Variants in ZNG1C observed in about 807,000 individuals in gnomAD.
The protein encoded by ZNG1C is zinc-regulated GTPase metalloprotein activator 1C.
At chr9:68,247,354 G>GT in the ZNG1C span, among the ~76,000 whole-genome samples, 2 of 150,934 alleles carry the variant, frequency 1.3e-5, no homozygotes, top group East Asian at 4.0e-4. Context: ...GGGTGGCCAA[G>GT]TAAGAGGCCT....
chr9:68,247,358 G>A, the ZNG1C span, among the ~76,000 whole-genome samples: 1 of 150,856 alleles, frequency 6.6e-6, no homozygotes, highest in Admixed American at 6.6e-5. Flanking sequence ...GGCCAAGTAA[G>A]AGGCCTAAGG....
the ZNG1C span, among the ~76,000 whole-genome samples, chr9:68,275,342 T>C: frequency 6.7e-6 from 1 of 148,556 alleles, no homozygotes; most frequent in Admixed American, 6.8e-5. Context: ...TTATTTATTA[T>C]TATTTAAGTT....
chr9:68,245,898 C>CA, the ZNG1C span, among the ~76,000 whole-genome samples: 4 of 130,530 alleles, frequency 3.1e-5, no homozygotes, highest in African/African-American at 5.8e-5. Flanking sequence ...CATGCCTGGC[C>CA]AAAAAATGTC....
chr9:68,284,954 C>T, the ZNG1C span, among the ~76,000 whole-genome samples: 6 of 149,256 alleles, frequency 4.0e-5, no homozygotes, highest in African/African-American at 1.2e-4. Context: ...TGTCCAACAA[C>T]ATTAAATACT....
At chr9:68,271,098 G>A in the ZNG1C span, among the ~76,000 whole-genome samples, 4 of 118,734 alleles carry the variant, frequency 3.4e-5, no homozygotes, top group African/African-American at 1.4e-4. Context: ...GTGTAGCATC[G>A]TCTTAGTGGT....
chr9:68,299,927 A>G, the ZNG1C span: 2 of 152,572 alleles, frequency 1.3e-5, no homozygotes, highest in Non-Finnish European at 2.9e-5. Context: ...GATTGCAGAG[A>G]TATAATGATT....
At chr9:68,279,437 G>C in the ZNG1C span, among the ~76,000 whole-genome samples, 1 of 139,838 alleles carries the variant, frequency 7.2e-6, no homozygotes, top group African/African-American at 2.7e-5. Flanking sequence ...ATTTTGCAGC[G>C]GCTGGTACCG....
the ZNG1C span, among the ~76,000 whole-genome samples, chr9:68,266,715 T>TG: frequency 7.1e-6 from 1 of 141,256 alleles, no homozygotes; most frequent in African/African-American, 2.8e-5. Context: ...CTTGTTCTGT[T>TG]TTTTTTTTTT....
the ZNG1C span, among the ~76,000 whole-genome samples, chr9:68,268,611 AACTG>A: frequency 2.0e-5 from 3 of 152,258 alleles, no homozygotes; most frequent in Non-Finnish European, 4.4e-5. Flanking sequence ...ACACTGGGAT[AACTG>A]ACTATTTATG....
the ZNG1C span, among the ~76,000 whole-genome samples, chr9:68,266,955 A>G: frequency 6.6e-6 from 1 of 152,208 alleles, no homozygotes; most frequent in African/African-American, 2.4e-5. Flanking sequence ...GCTAACAGTC[A>G]TTTTGCTGAC....
chr9:68,281,308 A>G, the ZNG1C span, among the ~76,000 whole-genome samples: 1 of 152,090 alleles, frequency 6.6e-6, no homozygotes, highest in African/African-American at 2.4e-5. Context: ...TGCGTCTCTC[A>G]CGCTGGGAGC....
the ZNG1C span, among the ~76,000 whole-genome samples, chr9:68,247,248 A>C: frequency 6.6e-6 from 1 of 151,796 alleles, no homozygotes; most frequent in Non-Finnish European, 1.5e-5. Flanking sequence ...GTCTCTTAAG[A>C]GGTTGAAGGG....
the ZNG1C span, among the ~76,000 whole-genome samples, chr9:68,257,213 T>C: frequency 7.3e-6 from 1 of 136,540 alleles, no homozygotes; most frequent in African/African-American, 2.7e-5. Context: ...AATTTTTGGA[T>C]TTTTAGTAGA....
At chr9:68,268,352 C>G in the ZNG1C span, among the ~76,000 whole-genome samples, 2 of 152,148 alleles carry the variant, frequency 1.3e-5, no homozygotes, top group South Asian at 2.1e-4. Context: ...AAGCCATATT[C>G]TATAGTATCA....
At chr9:68,265,005 G>A in the ZNG1C span, among the ~76,000 whole-genome samples, 6,668 of 78,364 alleles carry the variant, frequency 0.085, no homozygotes, top group Non-Finnish European at 0.13. Context: ...ACAGGCACCC[G>A]CCACCATGCC....
At chr9:68,281,196 C>G in the ZNG1C span, among the ~76,000 whole-genome samples, 2 of 152,202 alleles carry the variant, frequency 1.3e-5, no homozygotes, top group South Asian at 2.1e-4. Context: ...TGCTTTGGCT[C>G]GCGGATGGAG....
At chr9:68,299,331 C>T in the ZNG1C span, 4 of 603,072 alleles carry the variant, frequency 6.6e-6, no homozygotes, top group Non-Finnish European at 1.2e-5. Flanking sequence ...GATGTACTGA[C>T]CTGGAAAGTT....
the ZNG1C span, among the ~76,000 whole-genome samples, chr9:68,257,850 G>C: frequency 7.4e-6 from 1 of 135,574 alleles, no homozygotes; most frequent in African/African-American, 2.8e-5. Context: ...TTTTTCAAAA[G>C]TAATAATCAT....
the ZNG1C span, among the ~76,000 whole-genome samples, chr9:68,260,487 C>T: frequency 7.6e-6 from 1 of 131,996 alleles, no homozygotes; most frequent in African/African-American, 2.6e-5. Context: ...ATCAGTATAC[C>T]TACACAAAAC....
Sources: allele counts gnomAD v4.1 joint callset (sites outside exome capture counted in the v4.1 genomes callset), GRCh38; gene constraint gnomAD v4.1.1; transcripts MANE v1.5; gene names NCBI Gene and HGNC (gene_info 2026-07-23, HGNC 2026-07-21).